Variants in CTNNA3 observed in about 807,000 individuals in gnomAD.
CTNNA3 encodes the protein catenin alpha-3.
A neutral mutation model predicts 95.7 loss-of-function variants in CTNNA3; 76 were observed. The ratio of observed to expected loss-of-function variants is 0.79; its 90% CI spans 0.66 to 0.96. CTNNA3 has a LOEUF of 0.96. CTNNA3 is among the 40% of genes least tolerant of loss of function. The pLI is 0.00. For synonymous variants in CTNNA3, 431 were observed against 374.4 expected (o/e 1.15, Z -1.74); for missense variants, 1,191 against 1,089.8 (o/e 1.09, Z -1.31).
At chr10:66,532,430 C>T (rs968026902) in intron 10 of CTNNA3, among the ~76,000 whole-genome samples, 2 of 151,336 alleles carry the variant, frequency 1.3e-5, no homozygotes, top group Non-Finnish European at 1.5e-5. Flanking sequence ...CCACTGTACT[C>T]CAGCCTGGGT....
chr10:65,979,588 TC>T (rs1228018798), intron 16 of CTNNA3, among the ~76,000 whole-genome samples: 5 of 152,096 alleles, frequency 3.3e-5, no homozygotes, highest in African/African-American at 9.7e-5. Context: ...ACTTTGCTCA[TC>T]CTTCCTCTTC....
chr10:66,789,262 TG>T (rs1205970684), intron 7 of CTNNA3, among the ~76,000 whole-genome samples: 2 of 152,044 alleles, frequency 1.3e-5, no homozygotes, highest in African/African-American at 2.4e-5. Flanking sequence ...CTGCAACCTC[TG>T]CCTCCTGGGT....
At chr10:67,089,229 G>T (rs1857488604) in intron 7 of CTNNA3, among the ~76,000 whole-genome samples, 1 of 151,966 alleles carries the variant, frequency 6.6e-6, no homozygotes, top group Non-Finnish European at 1.5e-5. Context: ...TGGCAATTTA[G>T]CTCTTAAGAA....
intron 17 of CTNNA3, among the ~76,000 whole-genome samples, chr10:65,949,477 C>T (rs1444166631): frequency 7.9e-5 from 12 of 152,088 alleles, no homozygotes; most frequent in Non-Finnish European, 1.0e-4. Context: ...CACAATGATG[C>T]TACTATTTGT....
intron 2 of CTNNA3, among the ~76,000 whole-genome samples, chr10:67,615,629 G>C (rs556483045): frequency 3.4e-4 from 50 of 146,506 alleles, no homozygotes; most frequent in African/African-American, 1.0e-3. Context: ...AAATACATAA[G>C]TAAATGTGTA....
intron 5 of CTNNA3, among the ~76,000 whole-genome samples, chr10:67,392,057 G>A (rs942103224): frequency 5.3e-5 from 8 of 152,032 alleles, no homozygotes; most frequent in African/African-American, 1.9e-4. Flanking sequence ...TGACAAATGG[G>A]ATCTAATTAA....
rs1428954633 is a variant in CTNNA3 at position 66,275,578 on chromosome 10, T to C, written c.1884+4892A>G. ...ACATCATGTAAAGTAAAAATATAAA[T>C]GGTAACATGTACAGCTGAGACTTGA... On this transcript the variant is annotated intron_variant, in intron 13 of 17. Coordinates refer to ENST00000433211, the MANE Select transcript of CTNNA3 (RefSeq NM_013266.4). Among the ~76,000 whole-genome samples the C allele has an allele frequency of 2.0e-5, 3 of 152,230 alleles. No individual in the cohort carries two copies. The East Asian group carries it at 5.8e-4, about 29-fold the overall frequency.
At chr10:66,055,163 C>G (rs1022785123) in intron 15 of CTNNA3, among the ~76,000 whole-genome samples, 39 of 152,234 alleles carry the variant, frequency 2.6e-4, no homozygotes, top group African/African-American at 8.9e-4. Context: ...TGTGACGTCT[C>G]CAGCTTCAGT....
At position 66,515,690 on chromosome 10, in the gene CTNNA3, A is replaced by G. The variant is rs1030191469; in HGVS notation, c.1531+4927T>C. 3.0e-4 allele frequency among the ~76,000 whole-genome samples: 45 copies of G among 152,224 alleles called. 1 individual carries two copies. Among genetic ancestry groups the G allele is most frequent in the Middle Eastern group, 3.4e-3 (1 of 294 alleles). On this transcript the variant is annotated intron_variant, in intron 11 of 17. Coordinates refer to ENST00000433211, the MANE Select transcript of CTNNA3 (RefSeq NM_013266.4). Reference sequence around the variant, plus strand: ...ACAATCATGGTGGAAGGGGAAGCAAACACATCCTTTTTCACATCATGGCAG... The same window carrying G: ...ACAATCATGGTGGAAGGGGAAGCAAGCACATCCTTTTTCACATCATGGCAG...
intron 7 of CTNNA3, among the ~76,000 whole-genome samples, chr10:66,973,451 C>A (rs1849837933): frequency 6.6e-6 from 1 of 152,080 alleles, no homozygotes; most frequent in South Asian, 2.1e-4. Context: ...AGCTTAGAAG[C>A]ATTAATTTCA....
chr10:67,657,155 C>T (rs1468721986), intron 1 of CTNNA3, among the ~76,000 whole-genome samples: 1 of 152,124 alleles, frequency 6.6e-6, no homozygotes, highest in Admixed American at 6.5e-5. Context: ...CTCAAGATAT[C>T]TTTAAGTTTT....
At chr10:67,305,816 G>C (rs1385646031) in intron 5 of CTNNA3, among the ~76,000 whole-genome samples, 1 of 152,154 alleles carries the variant, frequency 6.6e-6, no homozygotes, top group Admixed American at 6.5e-5. Context: ...GATATCAGTG[G>C]ATGCTAATAC....
At chr10:66,036,935 C>T (rs1040979715) in intron 15 of CTNNA3, among the ~76,000 whole-genome samples, 38 of 135,820 alleles carry the variant, frequency 2.8e-4, no homozygotes, top group African/African-American at 1.0e-3. Flanking sequence ...TGCAGTGGCG[C>T]GATCTCAGCT....
intron 5 of CTNNA3, among the ~76,000 whole-genome samples, chr10:67,340,036 AAAT>A (rs1259512579): frequency 2.0e-5 from 3 of 152,156 alleles, no homozygotes; most frequent in East Asian, 3.8e-4. Flanking sequence ...ATGCCTAATA[AAAT>A]AATATTGTTC....
chr10:66,854,900 A>G (rs1436606898), intron 7 of CTNNA3, among the ~76,000 whole-genome samples: 1 of 151,902 alleles, frequency 6.6e-6, no homozygotes, highest in Admixed American at 6.6e-5. Context: ...ATACTGGCTG[A>G]GTATACCAGA....
chr10:65,992,608 A>G (rs2078567555), intron 15 of CTNNA3, among the ~76,000 whole-genome samples: 1 of 151,920 alleles, frequency 6.6e-6, no homozygotes, highest in Non-Finnish European at 1.5e-5. Context: ...TACATTTATA[A>G]TTTTGTTTAT....
chr10:66,007,452 C>T (rs913528662), intron 15 of CTNNA3, among the ~76,000 whole-genome samples: 4 of 152,160 alleles, frequency 2.6e-5, no homozygotes, highest in African/African-American at 9.7e-5. Flanking sequence ...AATGATACAA[C>T]ATAATGCCTC....
rs139581821 is a variant in CTNNA3, at chr10:66,299,188, A to G, written c.1733-18567T>C. Among the ~76,000 whole-genome samples the G allele has an allele frequency of 2.0e-4, 31 of 152,250 alleles. No homozygotes were observed. The East Asian group carries it at 5.6e-3, about 28-fold the overall frequency. On this transcript the variant is annotated intron_variant, in intron 12 of 17. Coordinates refer to ENST00000433211, the MANE Select transcript of CTNNA3 (RefSeq NM_013266.4). ...TTGATGTCTCGTATCTCACTAAAAT[A>G]TATAAAACCAACCTGTGTTCTCACC...
In CTNNA3 at chr10:66,443,324, C is replaced by T. The variant is rs548689870; in HGVS notation, c.1532-63972G>A. 2.6e-4 allele frequency among the ~76,000 whole-genome samples: 40 copies of T among 152,268 alleles called. 1 individual carries two copies. The highest frequency in any genetic ancestry group is 2.3e-3 in the East Asian group (12 of 5,156). On this transcript the variant is annotated intron_variant, in intron 11 of 17. Coordinates refer to ENST00000433211, the MANE Select transcript of CTNNA3 (RefSeq NM_013266.4). ...GAAGAGAGTAATGGTTCTCCCAGCA[C>T]GCAGCTGGAGATCTGAGAACAGGCA... is the stretch of plus-strand genomic sequence containing the variant.
Sources: gnomAD v4.1 joint callset for allele counts (sites outside exome capture counted in the v4.1 genomes callset) on GRCh38, gnomAD v4.1.1 for gene constraint, MANE v1.5 for transcripts, NCBI Gene and HGNC (gene_info 2026-07-23, HGNC 2026-07-21) for gene names.